The following CLEC12A variants were observed in gnomAD, a reference collection of about 807,000 sequenced individuals.
CLEC12A encodes C-type lectin protein CLL-1.
A neutral mutation model predicts 26.5 loss-of-function variants in CLEC12A; 22 were observed. The observed-to-expected ratio is 0.83, with a 90% CI of 0.59 to 1.19. CLEC12A has a LOEUF of 1.19. CLEC12A is among the 50% of genes most tolerant of loss of function. The probability of loss-of-function intolerance (pLI) is 0.00; values close to 1 mark genes in which losing one functional copy is unlikely to be tolerated. For synonymous variants in CLEC12A, 119 were observed against 101.9 expected, an observed-to-expected ratio of 1.17 and a Z score of -1.01; for missense variants, 353 against 315.6, an observed-to-expected ratio of 1.12 and a Z score of -0.90.
chr12:9,980,632 T>C lies in CLEC12A; in HGVS notation c.430T>C (p.Cys144Arg). 2 of 1,613,904 alleles carry C rather than the reference T, an allele frequency of 1.2e-6. No homozygotes were observed. The highest frequency in any genetic ancestry group is 1.7e-6 in the Non-Finnish European group (2 of 1,179,840). The stretch of plus-strand genomic sequence containing the variant: ...GAGATGGATTTGGCATAAGGACAGC[T>C]GTTATTTCCTAAGTGATGATGTCCA... ...PRRWIWHKDS[C>R]YFLSDDVQTW... Residue 144 changes from cysteine (C) to arginine (R), a missense_variant, in exon 4 of 6, where the codon TGT (cysteine) becomes CGT (arginine). Cys to Arg is a radical substitution (Grantham distance 180). Transcript: ENST00000304361.
intron 3 of CLEC12A, among the ~76,000 whole-genome samples, chr12:9,980,310 G>A (rs1277356910): frequency 1.3e-5 from 2 of 151,272 alleles, no homozygotes; most frequent in East Asian, 1.9e-4. Flanking sequence ...AAAAAGAAAC[G>A]GCATGTAATC....
chr12:9,956,816 T>C (rs1863748877), intron 1 of CLEC12A, among the ~76,000 whole-genome samples: 1 of 152,238 alleles, frequency 6.6e-6, no homozygotes, highest in Non-Finnish European at 1.5e-5. Flanking sequence ...ACACCTGTTA[T>C]TAGATTAATC....
intron 4 of CLEC12A, chr12:9,994,967 G>T: frequency 6.7e-7 from 1 of 1,492,048 alleles, no homozygotes; most frequent in Admixed American, 2.0e-5. Context: ...AAAGTAATGG[G>T]AGAGAGGGGA....
intron 4 of CLEC12A, chr12:9,994,969 G>A (rs936640640): frequency 2.7e-6 from 4 of 1,497,264 alleles, no homozygotes; most frequent in Non-Finnish European, 3.6e-6. Context: ...AGTAATGGGA[G>A]AGAGGGGAAA....
rs2137179395 is a variant in CLEC12A at position 9,979,276 on chromosome 12, G to A, written c.191-60G>A. Reference sequence around the variant, plus strand: ...TAATCTTTATACTACTTCTGCAAATGATAAAGGATGATGGCTCTATTGAGA... The same window carrying A: ...TAATCTTTATACTACTTCTGCAAATAATAAAGGATGATGGCTCTATTGAGA... On this transcript the variant is annotated intron_variant, in intron 2 of 5. Transcript: ENST00000304361. 1.4e-5 allele frequency: 18 copies of A among 1,293,998 alleles called. 1 individual carries two copies. The South Asian group carries it at 2.4e-4, about 17-fold the overall frequency. The allele number at this position is 1,293,998 out of a possible 1,614,324, so 80.2% of individuals were successfully genotyped here. A position where few individuals can be genotyped will look rare whatever the true frequency, so the allele number is the denominator to read the frequency against.
rs1416739487 is a variant in CLEC12A, at chr12:9,952,365, C to T, written c.10+1009C>T. ...CACGCCTGACTGGTTTTGGTGGAGA[C>T]GGGGTTTCGCTGTGTTGGCCGGGCC... On this transcript the variant is annotated intron_variant, in intron 1 of 6. Transcript: ENST00000355690. Among the ~76,000 whole-genome samples, 20 of 150,968 alleles carry T rather than the reference C, an allele frequency of 1.3e-4. No individual in the cohort carries two copies. The South Asian group carries it at 2.3e-3, about 18-fold the overall frequency.
chr12:10,005,137 T>C, the CLEC12A span, among the ~76,000 whole-genome samples: 9 of 152,194 alleles, frequency 5.9e-5, no homozygotes, highest in African/African-American at 1.2e-4. Context: ...TTTGAACATA[T>C]GTTTACTGAT....
chr12:9,971,696 T>G lies in CLEC12A; in HGVS notation c.91+9T>G, dbSNP rs371255349. ...CAAATTTGGGGAAAAAGGTAAGATT[T>G]TGAGTTATGGATGTGTTGTAAGTTT... On this transcript the variant is annotated intron_variant, in intron 1 of 5. Coordinates refer to ENST00000304361, the MANE Select transcript of CLEC12A (RefSeq NM_138337.6). 1.1e-5 allele frequency: 17 copies of G among 1,607,498 alleles called. No homozygotes were observed. The highest frequency in any genetic ancestry group is 1.3e-5 in the Non-Finnish European group (15 of 1,176,990).
chr12:9,975,075 C>T lies in CLEC12A; in HGVS notation c.91+3388C>T, dbSNP rs1373032969. Among the ~76,000 whole-genome samples the T allele has an allele frequency of 2.6e-5, 4 of 152,182 alleles. 1 individual carries two copies. The South Asian group carries it at 8.3e-4, about 32-fold the overall frequency. Reference sequence around the variant, plus strand: ...ACCTTCCACCATGAGTGTGAGGCCTCTCCAGCCACATGGAACCATGAGTCC... The same window carrying T: ...ACCTTCCACCATGAGTGTGAGGCCTTTCCAGCCACATGGAACCATGAGTCC... On this transcript the variant is annotated intron_variant, in intron 1 of 5. Coordinates refer to ENST00000304361, the MANE Select transcript of CLEC12A (RefSeq NM_138337.6).
At chr12:9,994,999 G>A (rs1865002303) in intron 4 of CLEC12A, 14 of 1,553,658 alleles carry the variant, frequency 9.0e-6, no homozygotes, top group East Asian at 7.1e-5. Context: ...TATGACCAGC[G>A]CTGTCTTGTT....
downstream of CLEC12A, chr12:9,997,260 G>A: frequency 6.2e-7 from 1 of 1,611,998 alleles, no homozygotes; most frequent in Non-Finnish European, 8.5e-7. Flanking sequence ...CACCTTGTAG[G>A]TAATTGCGCT....
chr12:9,992,386 T>A (rs1282846876), intron 4 of CLEC12A: 1 of 152,102 alleles, frequency 6.6e-6, no homozygotes, highest in Non-Finnish European at 1.5e-5. Context: ...TAATTCTATT[T>A]GCGTAATGTT....
intron 1 of CLEC12A, among the ~76,000 whole-genome samples, chr12:9,964,302 C>G (rs1452710095): frequency 6.6e-6 from 1 of 151,810 alleles, no homozygotes; most frequent in East Asian, 1.9e-4. Context: ...GGAGATGTTG[C>G]CTAGTCTGCA....
upstream of CLEC12A, among the ~76,000 whole-genome samples, chr12:9,970,823 C>A (rs1285389471): frequency 1.3e-5 from 2 of 152,110 alleles, no homozygotes; most frequent in Non-Finnish European, 2.9e-5. Flanking sequence ...GCATCAGATC[C>A]CTTAATATAT....
At chr12:9,970,465 G>T (rs1176117110), upstream of CLEC12A, among the ~76,000 whole-genome samples, 4 of 151,918 alleles carry the variant, frequency 2.6e-5, no homozygotes, top group African/African-American at 9.7e-5. Context: ...TTTACATGTG[G>T]CAATGTCAAG....
chr12:9,958,753 C>T (rs560624824), intron 1 of CLEC12A, among the ~76,000 whole-genome samples: 8 of 152,230 alleles, frequency 5.3e-5, no homozygotes, highest in East Asian at 1.9e-4. Context: ...TCCCAGGCTT[C>T]CACAGACAAG....
downstream of CLEC12A, among the ~76,000 whole-genome samples, chr12:9,990,053 T>G (rs2137222623): frequency 6.6e-6 from 1 of 152,304 alleles, no homozygotes; most frequent in South Asian, 2.1e-4. Flanking sequence ...AAAAGGTCTT[T>G]TTTTCAAAAT....
exon 5 of CLEC12A, chr12:9,995,682 A>T: frequency 4.2e-6 from 1 of 238,812 alleles, no homozygotes; most frequent in South Asian, 5.0e-5. Context: ...ATAAAATCTT[A>T]CATATGGAAG....
At chr12:9,967,197 G>A (rs975812530), upstream of CLEC12A, among the ~76,000 whole-genome samples, 1 of 151,924 alleles carries the variant, frequency 6.6e-6, no homozygotes, top group Non-Finnish European at 1.5e-5. Flanking sequence ...AAGACTCAGC[G>A]ATGCTTGGGG....
Sources: gnomAD v4.1 joint callset for allele counts (sites outside exome capture counted in the v4.1 genomes callset) on GRCh38, gnomAD v4.1.1 for gene constraint, MANE v1.5 for transcripts, NCBI Gene and HGNC (gene_info 2026-07-23, HGNC 2026-07-21) for gene names.